The following GOLM2 variants were observed in gnomAD, a reference collection of about 807,000 sequenced individuals.
GOLM2 encodes golgi membrane protein 2, also known as protein GOLM2.
GOLM2 carries 26 observed loss-of-function variants against 55.9 expected under a neutral mutation model. That is an observed-to-expected ratio of 0.47 (90% confidence interval 0.34 to 0.65). GOLM2 has a LOEUF of 0.65. Among genes scored for constraint, GOLM2 ranks in the 30% least tolerant of loss-of-function variants. The pLI is 0.01. For synonymous variants in GOLM2, 165 were observed against 194.6 expected, an observed-to-expected ratio of 0.85 and a Z score of 1.27; for missense variants, 486 against 531.8, an observed-to-expected ratio of 0.91 and a Z score of 0.85.
chr15:44,349,925 T>C (rs1208898814), intron 6 of GOLM2, among the ~76,000 whole-genome samples: 1 of 152,094 alleles, frequency 6.6e-6, no homozygotes. Context: ...AGAAGGAAAT[T>C]GAAAAATATC....
intron 1 of GOLM2, among the ~76,000 whole-genome samples, chr15:44,312,201 A>G (rs967032945): frequency 1.3e-5 from 2 of 152,068 alleles, no homozygotes; most frequent in African/African-American, 2.4e-5. Context: ...TTACATGCCA[A>G]TTTCAAGCAC....
chr15:44,312,290 A>G (rs958741047), intron 1 of GOLM2, among the ~76,000 whole-genome samples: 1 of 152,176 alleles, frequency 6.6e-6, no homozygotes, highest in Non-Finnish European at 1.5e-5. Context: ...AACACGTTAC[A>G]TATTATATTT....
intron 3 of GOLM2, among the ~76,000 whole-genome samples, chr15:44,330,467 C>G (rs537563213): frequency 6.8e-6 from 1 of 147,112 alleles, no homozygotes; most frequent in South Asian, 2.2e-4. Flanking sequence ...GAGCCGAGAT[C>G]GCGCCATTGC....
intron 6 of GOLM2, among the ~76,000 whole-genome samples, chr15:44,347,577 G>A (rs141284579): frequency 2.5e-4 from 38 of 152,248 alleles, no homozygotes; most frequent in African/African-American, 4.1e-4. Context: ...CCTTGCCACC[G>A]CGAGCTAGAG....
At chr15:44,402,698 T>G (rs536775480) in intron 8 of GOLM2, 189 bp from the exon 9 acceptor site, 15 of 450,926 alleles carry the variant, frequency 3.3e-5, no homozygotes, top group Non-Finnish European at 5.5e-5. Flanking sequence ...TTAATAAAAA[T>G]TACATATTTT....
intron 9 of GOLM2, chr15:44,405,433 A>C (rs2079591056): frequency 6.6e-6 from 1 of 152,210 alleles, no homozygotes; most frequent in Admixed American, 6.6e-5. Flanking sequence ...AAAAAGATGC[A>C]GGAACATCAG....
At chr15:44,376,484 A>C (rs2079365714) in intron 6 of GOLM2, among the ~76,000 whole-genome samples, 1 of 151,768 alleles carries the variant, frequency 6.6e-6, no homozygotes, top group Non-Finnish European at 1.5e-5. Flanking sequence ...CTGGGCTCAA[A>C]TGATCTTCCT....
chr15:44,361,662 T>C (rs1448180461), intron 6 of GOLM2, among the ~76,000 whole-genome samples: 41 of 151,512 alleles, frequency 2.7e-4, no homozygotes, highest in Non-Finnish European at 7.4e-5. Flanking sequence ...TTCCAATCAA[T>C]AGAAAAAGAG....
chr15:44,330,303 G>A (rs2079014383), intron 3 of GOLM2, among the ~76,000 whole-genome samples: 3 of 149,026 alleles, frequency 2.0e-5, no homozygotes, highest in South Asian at 2.1e-4. Context: ...ACCTGAGGTC[G>A]GGAGTTCAAG....
chr15:44,412,646 A>C (rs370273766), intron 9 of GOLM2, among the ~76,000 whole-genome samples: 1 of 152,166 alleles, frequency 6.6e-6, no homozygotes, highest in African/African-American at 2.4e-5. Context: ...AAGCCTGAAA[A>C]TGTGTACAGA....
At chr15:44,332,936 AT>A (rs911708590) in intron 4 of GOLM2, among the ~76,000 whole-genome samples, 2 of 151,072 alleles carry the variant, frequency 1.3e-5, no homozygotes, top group East Asian at 3.9e-4. Flanking sequence ...GACATGATTC[AT>A]TTTTTTTTGT....
intron 6 of GOLM2, among the ~76,000 whole-genome samples, chr15:44,371,429 C>G (rs1022682185): frequency 1.3e-5 from 2 of 152,152 alleles, no homozygotes; most frequent in African/African-American, 4.8e-5. Context: ...TCATTACTCA[C>G]AGACCATGTC....
intron 1 of GOLM2, among the ~76,000 whole-genome samples, chr15:44,298,587 T>C (rs2078774832): frequency 6.6e-6 from 1 of 152,148 alleles, no homozygotes; most frequent in Non-Finnish European, 1.5e-5. Flanking sequence ...TGCTTTTCCT[T>C]CTTTATACAC....
intron 1 of GOLM2, among the ~76,000 whole-genome samples, chr15:44,320,768 T>C (rs2078943298): frequency 6.6e-6 from 1 of 152,206 alleles, no homozygotes; most frequent in African/African-American, 2.4e-5. Flanking sequence ...GGCTCTCAGA[T>C]TGAAGAATAC....
chr15:44,298,082 G>C (rs2078770376), intron 1 of GOLM2, among the ~76,000 whole-genome samples: 1 of 150,612 alleles, frequency 6.6e-6, no homozygotes, highest in Non-Finnish European at 1.5e-5. Context: ...TGTTGGCCAA[G>C]CTGGTCTCGA....
intron 8 of GOLM2, among the ~76,000 whole-genome samples, chr15:44,395,222 G>GT (rs1372403185): frequency 1.4e-5 from 2 of 146,844 alleles, no homozygotes; most frequent in Middle Eastern, 3.2e-3. Flanking sequence ...GGGTTTCACT[G>GT]TGGTCTCGAT....
chr15:44,363,244 G>C (rs1457782595), intron 6 of GOLM2, among the ~76,000 whole-genome samples: 2 of 152,140 alleles, frequency 1.3e-5, no homozygotes, highest in Non-Finnish European at 2.9e-5. Flanking sequence ...ACTACCATCA[G>C]AGTGAACAGG....
chr15:44,362,966 A>G lies in GOLM2; in HGVS notation c.803-16724A>G, dbSNP rs1161142276. ...GAAAGGATTCCCTATTTAATAAATG[A>G]TGCTGGGAAAACTGGCTAGCCATAT... On this transcript the variant is annotated intron_variant, in intron 6 of 9. Coordinates refer to ENST00000299957, the MANE Select transcript of GOLM2 (RefSeq NM_138423.4). Among the ~76,000 whole-genome samples, 107 of 152,242 alleles carry G rather than the reference A, an allele frequency of 7.0e-4. 1 individual carries two copies. Among genetic ancestry groups the G allele is most frequent in the South Asian group, 1.0e-3 (5 of 4,826 alleles).
intron 1 of GOLM2, among the ~76,000 whole-genome samples, chr15:44,297,953 C>T (rs1435613635): frequency 2.0e-5 from 3 of 150,518 alleles, no homozygotes; most frequent in East Asian, 3.9e-4. Context: ...TTGCAACCTC[C>T]GCCTCCCGGG....
Sources: gnomAD v4.1 joint callset for allele counts (sites outside exome capture counted in the v4.1 genomes callset) on GRCh38, gnomAD v4.1.1 for gene constraint, MANE v1.5 for transcripts, NCBI Gene and HGNC (gene_info 2026-07-23, HGNC 2026-07-21) for gene names.